L3MBTL4: variants seen among roughly 807,000 people sequenced by gnomAD.
L3MBTL4 encodes L3MBTL histone methyl-lysine binding protein 4, also known as lethal(3)malignant brain tumor-like protein 4.
L3MBTL4 carries 70 observed loss-of-function variants against 84.5 expected under a neutral mutation model. That is an observed-to-expected ratio of 0.83 (90% CI 0.68 to 1.01). The LOEUF (loss-of-function observed/expected upper bound fraction) is 1.01. L3MBTL4 is among the 50% of genes least tolerant of loss of function. L3MBTL4 has a pLI of 0.00. For missense variants in L3MBTL4, 715 were observed against 754.8 expected (o/e 0.95, Z 0.62); for synonymous variants, 274 against 259.8 (o/e 1.05, Z -0.52).
intron 16 of L3MBTL4, among the ~76,000 whole-genome samples, chr18:6,024,631 C>T (rs1350937523): frequency 1.3e-5 from 2 of 152,176 alleles, no homozygotes; most frequent in African/African-American, 4.8e-5. Context: ...TAATTAATTA[C>T]TGCTGGTCAT....
chr18:6,361,534 A>C (rs921493068), intron 1 of L3MBTL4, among the ~76,000 whole-genome samples: 2 of 152,194 alleles, frequency 1.3e-5, no homozygotes, highest in African/African-American at 4.8e-5. Flanking sequence ...GGTAGATCAG[A>C]TTAATCCTTC....
At chr18:6,222,014 C>T (rs1380153995) in intron 10 of L3MBTL4, among the ~76,000 whole-genome samples, 15 of 152,202 alleles carry the variant, frequency 9.9e-5, no homozygotes, top group Non-Finnish European at 2.2e-4. Flanking sequence ...CTCAGAAATA[C>T]AAGATTTGAA....
At chr18:5,971,690 C>T (rs1227955297) in intron 16 of L3MBTL4, among the ~76,000 whole-genome samples, 2 of 152,174 alleles carry the variant, frequency 1.3e-5, no homozygotes, top group Non-Finnish European at 2.9e-5. Context: ...ATTTCCCACA[C>T]CATAATTCTG....
At chr18:6,305,884 G>A (rs890081895) in intron 3 of L3MBTL4, among the ~76,000 whole-genome samples, 1 of 152,136 alleles carries the variant, frequency 6.6e-6, no homozygotes, top group Non-Finnish European at 1.5e-5. Context: ...CCAATCAAGG[G>A]AACAAAACAG....
At chr18:6,303,816 C>A (rs1370096855) in intron 3 of L3MBTL4, among the ~76,000 whole-genome samples, 2 of 152,044 alleles carry the variant, frequency 1.3e-5, no homozygotes, top group Non-Finnish European at 2.9e-5. Context: ...AGTTCGAGAC[C>A]AGCCTGGCCA....
chr18:6,402,139 T>A (rs2055538180), intron 1 of L3MBTL4, among the ~76,000 whole-genome samples: 1 of 152,340 alleles, frequency 6.6e-6, no homozygotes, highest in Non-Finnish European at 1.5e-5. Context: ...TAAAACAAAA[T>A]TCCAGAGTGT....
intron 4 of L3MBTL4, among the ~76,000 whole-genome samples, chr18:6,273,605 G>A (rs903184332): frequency 3.9e-5 from 6 of 152,226 alleles, no homozygotes; most frequent in African/African-American, 7.2e-5. Context: ...GGGAGCAGGC[G>A]GTTACATTTG....
In L3MBTL4 at chr18:6,041,949, T is replaced by C. The variant is rs989752566; in HGVS notation, c.1444+38932A>G. Among the ~76,000 whole-genome samples the C allele has an allele frequency of 6.6e-5, 10 of 152,016 alleles. 1 individual carries two copies. The East Asian group carries it at 1.9e-3, about 29-fold the overall frequency. ...CGTTGCCCAGGCTGGTCTTGAACTC[T>C]TGGCTTCAAGTGATCCTCCTGCCTT... On this transcript the variant is annotated intron_variant, in intron 16 of 18. Transcript: ENST00000317931.
chr18:6,400,321 A>G (rs2055457509), intron 1 of L3MBTL4, among the ~76,000 whole-genome samples: 1 of 152,220 alleles, frequency 6.6e-6, no homozygotes, highest in African/African-American at 2.4e-5. Context: ...TTTCACACTT[A>G]TCCTGTAGAT....
chr18:6,251,462 G>A (rs1239203504), intron 5 of L3MBTL4, among the ~76,000 whole-genome samples: 5 of 152,066 alleles, frequency 3.3e-5, no homozygotes, highest in African/African-American at 2.4e-5. Flanking sequence ...TTAACATTGC[G>A]CCAGATACTG....
intron 16 of L3MBTL4, among the ~76,000 whole-genome samples, chr18:6,036,252 T>C (rs899940486): frequency 7.9e-5 from 12 of 152,228 alleles, no homozygotes; most frequent in Non-Finnish European, 1.6e-4. Flanking sequence ...CAATTATTTC[T>C]TTAAACATTC....
At chr18:6,079,332 G>T (rs1040335988) in intron 16 of L3MBTL4, among the ~76,000 whole-genome samples, 4 of 152,146 alleles carry the variant, frequency 2.6e-5, no homozygotes, top group Non-Finnish European at 4.4e-5. Flanking sequence ...ACCTAAGGCC[G>T]ACTGCTCCTC....
At chr18:5,958,106 G>GAAGAAGAAGAAGAAGAAGAAA (rs2095240868) in intron 18 of L3MBTL4, among the ~76,000 whole-genome samples, 54 of 91,446 alleles carry the variant, frequency 5.9e-4, no homozygotes, top group Admixed American at 1.2e-3. Context: ...AGAAGAAGAA[G>GAAGAAGAAGAAGAAGAAGAAA]AAGAAGAAGA....
At chr18:6,089,694 G>C in intron 15 of L3MBTL4, among the ~76,000 whole-genome samples, 1 of 152,136 alleles carries the variant, frequency 6.6e-6, no homozygotes, top group East Asian at 1.9e-4. Flanking sequence ...CACATACAGG[G>C]TTGTTGGGAG....
rs187337730 is a variant in L3MBTL4 at position 6,353,954 on chromosome 18, C to T, written c.-90-41898G>A. Among the ~76,000 whole-genome samples the T allele has an allele frequency of 3.3e-3, 503 of 152,124 alleles. 3 individuals carry two copies. Among genetic ancestry groups the T allele is most frequent in the African/African-American group, 0.011 (477 of 41,526 alleles). ...GAATCCTAAAATTTATATGGAAGCA[C>T]AAAAGACCCAGAATAGACAAAGACA... On this transcript the variant is annotated intron_variant, in intron 1 of 18. Coordinates refer to ENST00000317931, the MANE Select transcript of L3MBTL4 (RefSeq NM_001330559.2).
chr18:6,350,089 C>T (rs759877825), intron 1 of L3MBTL4, among the ~76,000 whole-genome samples: 5 of 152,070 alleles, frequency 3.3e-5, no homozygotes, highest in Non-Finnish European at 5.9e-5. Context: ...TACCTTACAC[C>T]ATATACAAAA....
intron 16 of L3MBTL4, among the ~76,000 whole-genome samples, chr18:5,987,707 A>AT (rs1190989348): frequency 1.3e-5 from 2 of 151,660 alleles, no homozygotes; most frequent in African/African-American, 2.4e-5. Context: ...TACTAAAAAT[A>AT]GGTTAGTGGA....
rs1278626122 is a variant in L3MBTL4 at position 6,054,286 on chromosome 18, G to A, written c.1444+26595C>T. Among the ~76,000 whole-genome samples, 10 of 152,130 alleles carry A rather than the reference G, an allele frequency of 6.6e-5. No homozygotes were observed. In the South Asian group the frequency reaches 1.2e-3, roughly 19 times the overall value. ...AGTCCCCCAGAGTGCCCACCGGCTC[G>A]CATTAGGAGGCAGTGCAGGATGGCA... On this transcript the variant is annotated intron_variant, in intron 16 of 18. Transcript: ENST00000317931.
At chr18:6,068,280 A>G (rs1683384014) in intron 16 of L3MBTL4, among the ~76,000 whole-genome samples, 1 of 152,152 alleles carries the variant, frequency 6.6e-6, no homozygotes. Flanking sequence ...TTCAGCCTTC[A>G]GGCCAATAGG....
Sources: gnomAD v4.1 joint callset for allele counts (sites outside exome capture counted in the v4.1 genomes callset) on GRCh38, gnomAD v4.1.1 for gene constraint, MANE v1.5 for transcripts, NCBI Gene and HGNC (gene_info 2026-07-23, HGNC 2026-07-21) for gene names.